PCSK5: variants seen among roughly 807,000 people sequenced by gnomAD.
PCSK5 encodes the protein proprotein convertase subtilisin/kexin type 5, also known as prohormone convertase 5.
Under a neutral mutation model 233.2 loss-of-function variants are expected in PCSK5, and 129 were observed. That is an observed-to-expected ratio of 0.55 (90% CI 0.48 to 0.64). PCSK5 has a LOEUF of 0.64. Ranked by LOEUF, PCSK5 falls within the 30% of genes least tolerant of loss-of-function variation. PCSK5 has a pLI of 0.00. For missense variants in PCSK5, 2,076 were observed against 2,430.1 expected, an observed-to-expected ratio of 0.85 and a Z score of 3.06; for synonymous variants, 825 against 879.2, an observed-to-expected ratio of 0.94 and a Z score of 1.09.
chr9:76,279,816 C>T (rs1827812337), intron 24 of PCSK5, among the ~76,000 whole-genome samples: 1 of 151,090 alleles, frequency 6.6e-6, no homozygotes, highest in Admixed American at 6.6e-5. Context: ...GATATTAGCC[C>T]TTTGTCAGAT....
At chr9:76,218,043 C>A (rs1825601412) in intron 20 of PCSK5, among the ~76,000 whole-genome samples, 1 of 152,302 alleles carries the variant, frequency 6.6e-6, no homozygotes, top group African/African-American at 2.4e-5. Flanking sequence ...AGTGAAGAAG[C>A]AGGTACAGCC....
At chr9:76,039,587 A>T (rs570540578) in intron 5 of PCSK5, among the ~76,000 whole-genome samples, 52 of 152,344 alleles carry the variant, frequency 3.4e-4, no homozygotes, top group Non-Finnish European at 6.3e-4. Flanking sequence ...TGCTAAGAGA[A>T]TGTACTAAGC....
chr9:76,279,930 T>C (rs1227854722), intron 24 of PCSK5, among the ~76,000 whole-genome samples: 2 of 150,942 alleles, frequency 1.3e-5, no homozygotes, highest in Non-Finnish European at 3.0e-5. Flanking sequence ...AGATCCCATT[T>C]GTCAATTTTG....
chr9:76,295,525 T>C lies in PCSK5; in HGVS notation c.3322+114T>C, dbSNP rs1260170018. On this transcript the variant is annotated intron_variant, in intron 26 of 37. Transcript: ENST00000674117. ...TTCAGAGTCTGTGCGTGTGGGCACCTCTGGCCCAAGGAGAAATTTTAATTT... is the reference window on the plus strand; with the variant it reads ...TTCAGAGTCTGTGCGTGTGGGCACCCCTGGCCCAAGGAGAAATTTTAATTT... 6.9e-5 allele frequency: 60 copies of C among 875,118 alleles called. No individual in the cohort carries two copies. In the Admixed American group the frequency reaches 7.0e-4, roughly 10 times the overall value. 54.2% of individuals were successfully genotyped at this position (875,118 alleles called of 1,614,324 possible).
Position 76,071,732 on chromosome 9 carries a change from G to T in PCSK5, c.728G>T (p.Arg243Leu). ...TCTCCTTTCTGTGTTGAAGGAGTGC[G>T]AATGCTGGACGGAGATGTCACGGAC... ...IAFNAKIGGV[R>L]MLDGDVTDMV... is the part of the protein sequence containing the mutation. The change falls in exon 7 of 38, where the codon CGA (arginine) becomes CTA (leucine). Residue 243 changes from arginine to leucine, a missense_variant. Arg to Leu is a moderately radical substitution (Grantham distance 102). This residue lies in a region of PCSK5 where 178 missense variants were observed against 393.6 expected (regional missense o/e 0.45). Transcript: ENST00000674117. The T allele has an allele frequency of 6.2e-7, 1 of 1,611,914 alleles. No individual in the cohort carries two copies. Among genetic ancestry groups the T allele is most frequent in the Non-Finnish European group, 8.5e-7 (1 of 1,178,966 alleles).
At chr9:76,189,047 C>G in intron 18 of PCSK5, 47 bp from the exon 19 acceptor site, 1 of 1,595,194 alleles carries the variant, frequency 6.3e-7, no homozygotes, top group South Asian at 1.1e-5. Flanking sequence ...GACACCACCT[C>G]CTCTGAGGTT....
intron 3 of PCSK5, among the ~76,000 whole-genome samples, chr9:76,020,404 T>C (rs983570687): frequency 3.3e-5 from 5 of 152,322 alleles, no homozygotes; most frequent in Non-Finnish European, 5.9e-5. Flanking sequence ...CCACTTGAAA[T>C]GCATTAAAAG....
intron 5 of PCSK5, among the ~76,000 whole-genome samples, chr9:76,031,517 G>A (rs1828651228): frequency 6.6e-6 from 1 of 152,060 alleles, no homozygotes; most frequent in African/African-American, 2.4e-5. Context: ...GGGAGACCCT[G>A]TTTCTACTAA....
At chr9:76,343,917 G>A (rs1404553068) in intron 35 of PCSK5, among the ~76,000 whole-genome samples, 2 of 150,808 alleles carry the variant, frequency 1.3e-5, no homozygotes, top group Non-Finnish European at 3.0e-5. Context: ...GAAATAAAAT[G>A]TGATTGAAAA....
chr9:76,052,923 T>A (rs1330023466), intron 5 of PCSK5, among the ~76,000 whole-genome samples: 1 of 152,162 alleles, frequency 6.6e-6, no homozygotes, highest in Non-Finnish European at 1.5e-5. Context: ...GTGGGTCCCA[T>A]GTAAGTCTCA....
At chr9:76,333,899 A>G (rs1829604649) in intron 34 of PCSK5, among the ~76,000 whole-genome samples, 1 of 152,184 alleles carries the variant, frequency 6.6e-6, no homozygotes, top group Non-Finnish European at 1.5e-5. Context: ...TTGTATGTAT[A>G]AATAAGATGA....
intron 2 of PCSK5, among the ~76,000 whole-genome samples, chr9:75,959,512 C>G (rs1160460946): frequency 3.9e-5 from 6 of 152,162 alleles, no homozygotes; most frequent in African/African-American, 1.4e-4. Context: ...AAAGAGGATG[C>G]TATTGAGCCA....
At position 76,295,383 on chromosome 9, in the gene PCSK5, C is replaced by G; in HGVS notation, c.3294C>G (p.Tyr1098Ter). Residue 1098 changes from tyrosine to a stop codon, truncating the protein, a stop_gained, in exon 26 of 38, where the codon TAC becomes TAG. Transcript: ENST00000674117. LOFTEE classifies it high-confidence loss of function. ...GCAGCTGTGACCAGAATGGGTGTTA[C>G]TGGTGTGAAGAGGGCTTCTTTCTCT... ...NCGSCDQNGC[Y>*]WCEEGFFLLG... 6.2e-7 allele frequency: 1 copy of G among 1,612,520 alleles called. No homozygotes were observed. The highest frequency in any genetic ancestry group is 1.3e-5 in the African/African-American group (1 of 75,024).
chr9:76,162,640 A>G, intron 12 of PCSK5, among the ~76,000 whole-genome samples: 1 of 152,212 alleles, frequency 6.6e-6, no homozygotes, highest in East Asian at 1.9e-4. Flanking sequence ...TCTTTTTTTC[A>G]GAGAAGTCAA....
At chr9:76,240,239 C>A (rs1297799353) in intron 23 of PCSK5, among the ~76,000 whole-genome samples, 5 of 152,200 alleles carry the variant, frequency 3.3e-5, no homozygotes, top group Admixed American at 3.3e-4. Flanking sequence ...AGATTTTAAA[C>A]TTTTTTAAAA....
chr9:75,986,055 G>A (rs1826500203), intron 2 of PCSK5, 77 bp from the exon 3 acceptor site: 1 of 838,510 alleles, frequency 1.2e-6, no homozygotes, highest in Admixed American at 1.9e-5. Context: ...CTTACAATGG[G>A]AAATGCCTCA....
intron 3 of PCSK5, among the ~76,000 whole-genome samples, chr9:76,008,640 T>G (rs1244007844): frequency 6.6e-6 from 1 of 152,144 alleles, no homozygotes; most frequent in Admixed American, 6.5e-5. Context: ...TTTTGTATTT[T>G]TAGTAGAGAC....
rs138773934 is a variant in PCSK5, at chr9:76,312,036, T to C, written c.3884+1185T>C. ...ATCCCTGGCAAAAAGAATGGAAATA[T>C]AGGAGTGGTTTAGGCTGAACAAGAT... On this transcript the variant is annotated intron_variant, in intron 30 of 37. Transcript: ENST00000674117. 8.5e-3 allele frequency among the ~76,000 whole-genome samples: 1,294 copies of C among 152,282 alleles called. 17 individuals carry two copies. Among genetic ancestry groups the C allele is most frequent in the African/African-American group, 0.03 (1,235 of 41,566 alleles).
intron 10 of PCSK5, among the ~76,000 whole-genome samples, chr9:76,138,388 C>T (rs1564055194): frequency 1.3e-5 from 2 of 152,074 alleles, no homozygotes; most frequent in Admixed American, 6.6e-5. Flanking sequence ...TTTTGACCAG[C>T]TCCATTTGGG....
Sources: allele counts gnomAD v4.1 joint callset (sites outside exome capture counted in the v4.1 genomes callset), GRCh38; gene constraint gnomAD v4.1.1; regional missense constraint gnomAD v4.1.1; transcripts MANE v1.5; gene names NCBI Gene and HGNC (gene_info 2026-07-23, HGNC 2026-07-21).